The following AP2B1 variants were observed in gnomAD, a reference collection of about 807,000 sequenced individuals.
AP2B1 encodes the protein AP-2 complex subunit beta.
In AP2B1, 23 loss-of-function variants were observed where a neutral mutation model predicts 102.0. That is an observed-to-expected ratio of 0.23 (90% CI 0.16 to 0.32). AP2B1 has a LOEUF of 0.32. Among genes scored for constraint, AP2B1 ranks in the 10% least tolerant of loss-of-function variants. The pLI is 1.00. For synonymous variants in AP2B1, 381 were observed against 421.2 expected (o/e 0.90, Z 1.17); for missense variants, 541 against 1,157.4 (o/e 0.47, Z 7.73).
intron 18 of AP2B1, among the ~76,000 whole-genome samples, chr17:35,699,134 C>T (rs1287366302): frequency 6.6e-6 from 1 of 152,116 alleles, no homozygotes; most frequent in Admixed American, 6.6e-5. Flanking sequence ...GGCTTCCTTT[C>T]GAATCAAGGC....
rs1317939828 is a variant in AP2B1, at chr17:35,608,416, G to A, written c.525+29G>A. ...ATAAGCTTCTGCTTTTACAAAGAGA[G>A]CAGTATTTAAAATGAGTCCCTTGTT... is the stretch of plus-strand genomic sequence containing the variant. On this transcript the variant is annotated intron_variant, in intron 5 of 21. Transcript: ENST00000610402. The A allele has an allele frequency of 1.9e-6, 3 of 1,612,340 alleles. No individual in the cohort carries two copies. The East Asian group carries it at 6.7e-5, about 36-fold the overall frequency.
chr17:35,608,733 C>A (rs2073769237), intron 5 of AP2B1, among the ~76,000 whole-genome samples: 1 of 152,000 alleles, frequency 6.6e-6, no homozygotes, highest in Non-Finnish European at 1.5e-5. Flanking sequence ...GTGGTATTTT[C>A]TGGTGGTGTG....
intron 18 of AP2B1, among the ~76,000 whole-genome samples, chr17:35,685,842 A>G (rs1453301457): frequency 6.6e-6 from 1 of 152,018 alleles, no homozygotes; most frequent in African/African-American, 2.4e-5. Context: ...GGCTCACTGC[A>G]ACCTCCGCCT....
At chr17:35,668,482 A>T (rs930401432) in intron 14 of AP2B1, among the ~76,000 whole-genome samples, 4 of 152,140 alleles carry the variant, frequency 2.6e-5, no homozygotes, top group African/African-American at 9.7e-5. Flanking sequence ...ACCCCCACAC[A>T]CAGATGGTTG....
At chr17:35,683,846 G>A (rs1447352579) in intron 18 of AP2B1, among the ~76,000 whole-genome samples, 1 of 152,126 alleles carries the variant, frequency 6.6e-6, no homozygotes, top group Non-Finnish European at 1.5e-5. Context: ...ACCCTGGAAG[G>A]GCAGCTCCCT....
At chr17:35,697,651 G>A (rs1032442069) in intron 18 of AP2B1, among the ~76,000 whole-genome samples, 1 of 152,216 alleles carries the variant, frequency 6.6e-6, no homozygotes, top group Non-Finnish European at 1.5e-5. Context: ...ACACAAAAGT[G>A]TAAGGAGGCA....
intron 5 of AP2B1, among the ~76,000 whole-genome samples, chr17:35,618,259 A>G (rs2074079752): frequency 6.6e-6 from 1 of 152,216 alleles, no homozygotes; most frequent in Non-Finnish European, 1.5e-5. Flanking sequence ...TATGCCTCAC[A>G]TGTCATTTGA....
At chr17:35,635,226 G>A (rs1217493609) in intron 9 of AP2B1, among the ~76,000 whole-genome samples, 2 of 152,058 alleles carry the variant, frequency 1.3e-5, no homozygotes, top group Non-Finnish European at 2.9e-5. Context: ...GCTAATTTTT[G>A]TATTTTTAGT....
At chr17:35,713,379 G>T (rs1229889375) in intron 20 of AP2B1, among the ~76,000 whole-genome samples, 1 of 152,178 alleles carries the variant, frequency 6.6e-6, no homozygotes, top group Non-Finnish European at 1.5e-5. Context: ...TGCTAGTCTT[G>T]CAAGACCACT....
At chr17:35,656,337 C>T (rs944048377) in intron 13 of AP2B1, among the ~76,000 whole-genome samples, 3 of 152,180 alleles carry the variant, frequency 2.0e-5, no homozygotes, top group African/African-American at 7.2e-5. Context: ...TTGAAAAGAT[C>T]ATCGTTTGTC....
At chr17:35,589,640 C>G (rs1567751601) in intron 1 of AP2B1, among the ~76,000 whole-genome samples, 1 of 152,142 alleles carries the variant, frequency 6.6e-6, no homozygotes, top group African/African-American at 2.4e-5. Flanking sequence ...ACACTCTGGT[C>G]GAGGGCAAGT....
intron 20 of AP2B1, among the ~76,000 whole-genome samples, chr17:35,716,356 T>G (rs1458540327): frequency 6.6e-6 from 1 of 152,262 alleles, no homozygotes; most frequent in Non-Finnish European, 1.5e-5. Flanking sequence ...CCTTTAATTC[T>G]GGAACGTTAT....
intron 20 of AP2B1, among the ~76,000 whole-genome samples, chr17:35,712,637 A>T (rs1555588136): frequency 1.3e-5 from 2 of 152,264 alleles, no homozygotes; most frequent in East Asian, 3.9e-4. Flanking sequence ...TCAAAAAAAA[A>T]ATAAAAATAA....
At chr17:35,696,072 C>T (rs745631195) in intron 18 of AP2B1, among the ~76,000 whole-genome samples, 5 of 152,148 alleles carry the variant, frequency 3.3e-5, no homozygotes, top group African/African-American at 1.2e-4. Flanking sequence ...CAAAGGTCTC[C>T]AAGACCTTGG....
At chr17:35,697,819 G>T (rs587680194) in intron 18 of AP2B1, among the ~76,000 whole-genome samples, 1 of 152,110 alleles carries the variant, frequency 6.6e-6, no homozygotes, top group Non-Finnish European at 1.5e-5. Flanking sequence ...AAAATTAGCC[G>T]GGTGTAGTGG....
intron 5 of AP2B1, among the ~76,000 whole-genome samples, chr17:35,619,310 C>G (rs925145090): frequency 6.6e-6 from 1 of 152,102 alleles, no homozygotes; most frequent in African/African-American, 2.4e-5. Context: ...AAAACTCATT[C>G]TATTAGTATA....
intron 6 of AP2B1, among the ~76,000 whole-genome samples, chr17:35,625,231 T>G (rs911737192): frequency 2.0e-5 from 3 of 152,258 alleles, no homozygotes; most frequent in Admixed American, 6.5e-5. Context: ...ATGCAGGCAC[T>G]GTACTAGGCA....
At position 35,608,530 on chromosome 17, in the gene AP2B1, A is replaced by G. The variant is rs546816816; in HGVS notation, c.525+143A>G. 101 of 1,037,838 alleles carry G rather than the reference A, an allele frequency of 9.7e-5. No homozygotes were observed. In the South Asian group the frequency reaches 1.5e-3, roughly 15 times the overall value. 64.3% of individuals were successfully genotyped at this position (1,037,838 alleles called of 1,614,324 possible). A position where few individuals can be genotyped will look rare whatever the true frequency, so the allele number is the denominator to read the frequency against. ...TGACTTTGTGTGTCTCACAGATTGT[A>G]TATTTCATATCCTAGGTGTTTTTGA... On this transcript the variant is annotated intron_variant, in intron 5 of 21. Transcript: ENST00000610402.
chr17:35,648,720 T>C (rs2075007060), intron 12 of AP2B1, among the ~76,000 whole-genome samples: 1 of 149,318 alleles, frequency 6.7e-6, no homozygotes, highest in Non-Finnish European at 1.5e-5. Flanking sequence ...ATATATAATA[T>C]GAAACTGGTT....
Sources: gnomAD v4.1 joint callset for allele counts (sites outside exome capture counted in the v4.1 genomes callset) on GRCh38, gnomAD v4.1.1 for gene constraint, MANE v1.5 for transcripts, NCBI Gene and HGNC (gene_info 2026-07-23, HGNC 2026-07-21) for gene names.